The following FOXO3 variants were observed in gnomAD, a reference collection of about 807,000 sequenced individuals.
FOXO3 encodes forkhead box protein O3.
In FOXO3, 4 loss-of-function variants were observed where a neutral mutation model predicts 41.9. The ratio of observed to expected loss-of-function variants is 0.10; its 90% CI spans 0.05 to 0.22. FOXO3 has a LOEUF of 0.22. Among genes scored for constraint, FOXO3 ranks in the 10% least tolerant of loss-of-function variants. The pLI is 1.00. For synonymous variants in FOXO3, 318 were observed against 389.3 expected, an observed-to-expected ratio of 0.82 and a Z score of 2.16; for missense variants, 534 against 906.8, an observed-to-expected ratio of 0.59 and a Z score of 5.28.
rs532038667 is a variant in FOXO3, at chr6:108,630,933, C to T, written c.622-32522C>T. On this transcript the variant is annotated intron_variant, in intron 1 of 2. Transcript: ENST00000406360. The stretch of plus-strand genomic sequence containing the variant: ...AATTGATTAGAATGCAAAAAATAAT[C>T]TTGGGCTTTGGGTTCCTTTATTGCC... 3.9e-5 allele frequency among the ~76,000 whole-genome samples: 6 copies of T among 152,238 alleles called. No individual in the cohort carries two copies. The East Asian group carries it at 1.2e-3, about 29-fold the overall frequency.
intron 1 of FOXO3, among the ~76,000 whole-genome samples, chr6:108,566,722 G>C (rs1775955819): frequency 6.6e-6 from 1 of 152,156 alleles, no homozygotes; most frequent in East Asian, 1.9e-4. Flanking sequence ...TATAGGGACA[G>C]ACTTGACCCT....
Position 108,664,567 on chromosome 6 carries a change from G to A in FOXO3, c.1734G>A (p.Gln578=). Residue 578 remains glutamine, a synonymous_variant, in exon 2 of 3, where the codon CAG becomes CAA. Coordinates refer to ENST00000406360, the MANE Select transcript of FOXO3 (RefSeq NM_001455.4). ...ACCAGCAGCAGTCTCCTGTCAGCCA[G>A]TCTATGCAAACCCTCTCGGACTCTC... ...AKHQQQSPVS[Q]SMQTLSDSLS... 1 of 1,020,322 alleles carries A rather than the reference G, an allele frequency of 9.8e-7. No homozygotes were observed. Among genetic ancestry groups the A allele is most frequent in the Admixed American group, 1.8e-5 (1 of 57,116 alleles). The allele number at this position is 1,020,322 out of a possible 1,614,324, so 63.2% of individuals were successfully genotyped here.
intron 1 of FOXO3, 85 bp downstream of exon 1, chr6:108,561,914 T>G: frequency 1.4e-6 from 2 of 1,467,676 alleles, no homozygotes; most frequent in Non-Finnish European, 1.8e-6. Flanking sequence ...CGGAGTGCGC[T>G]TGCGGGCTCC....
chr6:108,599,516 G>A (rs1416107880), intron 1 of FOXO3, among the ~76,000 whole-genome samples: 1 of 152,138 alleles, frequency 6.6e-6, no homozygotes, highest in African/African-American at 2.4e-5. Context: ...CTTGCCCTGG[G>A]GCTCAGTGAG....
chr6:108,626,862 G>GAGC (rs1299965103), intron 1 of FOXO3, among the ~76,000 whole-genome samples: 1 of 152,214 alleles, frequency 6.6e-6, no homozygotes, highest in East Asian at 1.9e-4. Context: ...TATGTGAGCT[G>GAGC]AGCCTTGAAG....
rs147681884 is a variant in FOXO3, at chr6:108,674,060, C to T, written c.*35-5767C>T. Among the ~76,000 whole-genome samples, 457 of 152,218 alleles carry T rather than the reference C, an allele frequency of 3.0e-3. 2 individuals carry two copies. Among genetic ancestry groups the T allele is most frequent in the African/African-American group, 0.01 (428 of 41,524 alleles). ...TTGAGAATTAGTTGAATGTTAAAATCGTGCCTTGTATTGATTTCATCTGTA... is the reference window on the plus strand; with the variant it reads ...TTGAGAATTAGTTGAATGTTAAAATTGTGCCTTGTATTGATTTCATCTGTA... On this transcript the variant is annotated intron_variant, in intron 2 of 2. Transcript: ENST00000406360.
At chr6:108,631,463 A>G (rs900460082) in intron 1 of FOXO3, among the ~76,000 whole-genome samples, 1 of 152,152 alleles carries the variant, frequency 6.6e-6, no homozygotes, top group Non-Finnish European at 1.5e-5. Context: ...AATTCTGCAT[A>G]TGGCTTTATT....
chr6:108,644,465 C>G (rs1286198244), intron 1 of FOXO3, among the ~76,000 whole-genome samples: 2 of 152,138 alleles, frequency 1.3e-5, no homozygotes, highest in South Asian at 2.1e-4. Context: ...TGCCAAAGCT[C>G]ATGGACACTC....
At chr6:108,597,099 C>T (rs1776906879) in intron 1 of FOXO3, among the ~76,000 whole-genome samples, 1 of 152,182 alleles carries the variant, frequency 6.6e-6, no homozygotes. Flanking sequence ...GAGAACAGAA[C>T]TTGGCCATAC....
chr6:108,664,941 A>G, intron 2 of FOXO3, 52 bp downstream of exon 2: 1 of 1,473,460 alleles, frequency 6.8e-7, no homozygotes, highest in Non-Finnish European at 9.2e-7. Flanking sequence ...ATGAGGGGGG[A>G]TCTCTGGGGG....
chr6:108,606,428 TC>T (rs1777203089), intron 1 of FOXO3, among the ~76,000 whole-genome samples: 1 of 152,026 alleles, frequency 6.6e-6, no homozygotes, highest in Non-Finnish European at 1.5e-5. Flanking sequence ...TTCCTCCCCT[TC>T]CCCCTAAACT....
In FOXO3 at chr6:108,624,659, ATATTT is replaced by A. The variant is rs137877174; in HGVS notation, c.622-38792_622-38788del. Among the ~76,000 whole-genome samples the A allele has an allele frequency of 3.3e-3, 505 of 152,336 alleles. 3 individuals carry two copies. The highest frequency in any genetic ancestry group is 0.012 in the African/African-American group (492 of 41,588). ...ATTGTACTTTGGTGAAGCTTTAGAT[ATATTT>A]TATATTTCTTAAAATAAACTTTTTT... is the stretch of plus-strand genomic sequence containing the variant. On this transcript the variant is annotated intron_variant, in intron 1 of 2. Transcript: ENST00000406360.
chr6:108,580,595 G>A (rs981278955), intron 1 of FOXO3, among the ~76,000 whole-genome samples: 2 of 152,216 alleles, frequency 1.3e-5, no homozygotes, highest in African/African-American at 4.8e-5. Flanking sequence ...GTATCAGTAT[G>A]TCTCCACTTT....
intron 1 of FOXO3, among the ~76,000 whole-genome samples, chr6:108,601,139 G>A (rs549867231): frequency 1.3e-5 from 2 of 151,210 alleles, no homozygotes; most frequent in Non-Finnish European, 3.0e-5. Context: ...TCCCCAGTAG[G>A]TGGGACTACA....
At chr6:108,615,364 T>C (rs1777465937) in intron 1 of FOXO3, among the ~76,000 whole-genome samples, 1 of 152,164 alleles carries the variant, frequency 6.6e-6, no homozygotes, top group African/African-American at 2.4e-5. Context: ...AAGACACTTT[T>C]AATAGGTATA....
intron 1 of FOXO3, among the ~76,000 whole-genome samples, chr6:108,589,689 T>G (rs1297959215): frequency 6.6e-6 from 1 of 152,184 alleles, no homozygotes; most frequent in African/African-American, 2.4e-5. Flanking sequence ...TGGCTGTTCA[T>G]GTGAGTTCCT....
intron 1 of FOXO3, among the ~76,000 whole-genome samples, chr6:108,599,245 G>A (rs2128365826): frequency 6.6e-6 from 1 of 152,226 alleles, no homozygotes; most frequent in South Asian, 2.1e-4. Flanking sequence ...TTTTCTTTAA[G>A]ATAGGCTAAT....
rs1775765252 is a variant in FOXO3 at position 108,560,996 on chromosome 6, A to C, written c.-213A>C. ...GGGAGGCGGGCGCGGCAGGACTGGG[A>C]GGTGGCGGCAGCGGGCGAGGACTCG... On this transcript the variant is annotated 5_prime_UTR_variant, in exon 1 of 3. Coordinates refer to ENST00000406360, the MANE Select transcript of FOXO3 (RefSeq NM_001455.4). 7.3e-7 allele frequency: 1 copy of C among 1,364,502 alleles called. No homozygotes were observed. The highest frequency in any genetic ancestry group is 9.3e-7 in the Non-Finnish European group (1 of 1,070,648). 84.5% of individuals were successfully genotyped at this position (1,364,502 alleles called of 1,614,324 possible).
chr6:108,609,676 G>T (rs1203011354), intron 1 of FOXO3, among the ~76,000 whole-genome samples: 2 of 152,168 alleles, frequency 1.3e-5, no homozygotes, highest in Non-Finnish European at 2.9e-5. Flanking sequence ...TAAGGCTAAG[G>T]TATTTGTGTT....
Sources: allele counts gnomAD v4.1 joint callset (sites outside exome capture counted in the v4.1 genomes callset), GRCh38; gene constraint gnomAD v4.1.1; transcripts MANE v1.5; gene names NCBI Gene and HGNC (gene_info 2026-07-23, HGNC 2026-07-21).